CENPP: variants seen among roughly 807,000 people sequenced by gnomAD.
The protein encoded by CENPP is centromere protein P.
In CENPP, 24 loss-of-function variants were observed where a neutral mutation model predicts 35.6. That is an observed-to-expected ratio of 0.67 (90% CI 0.49 to 0.95). The LOEUF (loss-of-function observed/expected upper bound fraction) is 0.95. Ranked by LOEUF, CENPP falls within the 40% of genes least tolerant of loss-of-function variation. CENPP has a pLI of 0.00. For missense variants in CENPP, 332 were observed against 345.3 expected (o/e 0.96, Z 0.31); for synonymous variants, 120 against 125.5 (o/e 0.96, Z 0.29).
At chr9:92,454,708 A>G (rs568102647) in intron 5 of CENPP, among the ~76,000 whole-genome samples, 1 of 152,244 alleles carries the variant, frequency 6.6e-6, no homozygotes, top group South Asian at 2.1e-4. Context: ...TATTCTTCAT[A>G]GCAACCTTGT....
At chr9:92,599,144 T>C (rs933870949) in intron 5 of CENPP, among the ~76,000 whole-genome samples, 1 of 150,398 alleles carries the variant, frequency 6.6e-6, no homozygotes, top group Non-Finnish European at 1.5e-5. Flanking sequence ...GAAATATGGT[T>C]GAGAATAAAG....
intron 5 of CENPP, among the ~76,000 whole-genome samples, chr9:92,484,551 G>A (rs4744134): frequency 0.48 from 72,767 of 152,140 alleles, 20,956 homozygotes; most frequent in African/African-American, 0.81. Context: ...ACGTTCCTCA[G>A]TCTGTCATTT....
intron 5 of CENPP, among the ~76,000 whole-genome samples, chr9:92,546,973 G>A (rs1324157775): frequency 1.3e-5 from 2 of 152,110 alleles, no homozygotes; most frequent in East Asian, 1.9e-4. Context: ...AACTGACAGG[G>A]ACGTCAGAAG....
chr9:92,559,405 G>A (rs1849800025), intron 5 of CENPP, among the ~76,000 whole-genome samples: 1 of 152,200 alleles, frequency 6.6e-6, no homozygotes, highest in South Asian at 2.1e-4. Flanking sequence ...TCCAGTGGGG[G>A]TGTGTGTTTA....
At chr9:92,549,954 C>G (rs73651323) in intron 5 of CENPP, among the ~76,000 whole-genome samples, 1 of 152,174 alleles carries the variant, frequency 6.6e-6, no homozygotes, top group African/African-American at 2.4e-5. Flanking sequence ...ATAGTTCCAC[C>G]AAGCCACTAG....
chr9:92,552,005 T>TC (rs374275922), intron 5 of CENPP, among the ~76,000 whole-genome samples: 221 of 142,226 alleles, frequency 1.6e-3, no homozygotes, highest in Non-Finnish European at 2.3e-3. Flanking sequence ...TATATATGTG[T>TC]ATATATATGA....
At chr9:92,535,785 C>A (rs1188538966) in intron 5 of CENPP, 7 of 254,818 alleles carry the variant, frequency 2.7e-5, no homozygotes, top group East Asian at 1.3e-4. Context: ...GTGAAAAAAA[C>A]AAACAGAATA....
intron 1 of CENPP, among the ~76,000 whole-genome samples, chr9:92,328,285 G>T (rs1278569811): frequency 6.6e-6 from 1 of 152,146 alleles, no homozygotes; most frequent in Non-Finnish European, 1.5e-5. Context: ...TGGAGGAGGA[G>T]GATTGGAACC....
At position 92,385,727 on chromosome 9, in the gene CENPP, G is replaced by A. The variant is rs140783624; in HGVS notation, c.564+5868G>A. On this transcript the variant is annotated intron_variant, in intron 5 of 7. Coordinates refer to ENST00000375587, the MANE Select transcript of CENPP (RefSeq NM_001012267.3). ...AGGCGTATCTCTTCAATGCGGTCCCGGATGTAACTGGTGTCATTAGCCTTG... is the reference window on the plus strand; with the variant it reads ...AGGCGTATCTCTTCAATGCGGTCCCAGATGTAACTGGTGTCATTAGCCTTG... 1.3e-5 allele frequency: 21 copies of A among 1,613,934 alleles called. No individual in the cohort carries two copies. The highest frequency in any genetic ancestry group is 8.0e-5 in the African/African-American group (6 of 74,904).
intron 5 of CENPP, among the ~76,000 whole-genome samples, chr9:92,400,815 A>G (rs1458245011): frequency 1.3e-5 from 2 of 152,222 alleles, no homozygotes; most frequent in African/African-American, 4.8e-5. Context: ...GTGTTTAAGT[A>G]TTTCTCGAAT....
At chr9:92,441,359 G>A (rs1346691314) in intron 5 of CENPP, among the ~76,000 whole-genome samples, 2 of 152,146 alleles carry the variant, frequency 1.3e-5, no homozygotes, top group African/African-American at 4.8e-5. Flanking sequence ...GCAAAATCTA[G>A]ACTGTGGGAA....
intron 5 of CENPP, among the ~76,000 whole-genome samples, chr9:92,544,338 T>G (rs2131313685): frequency 6.6e-6 from 1 of 152,294 alleles, no homozygotes; most frequent in South Asian, 2.1e-4. Context: ...TAGCCGGGTG[T>G]GCTGGCACAT....
rs537704361 is a variant in CENPP at position 92,341,289 on chromosome 9, T to C, written c.378+3660T>C. Among the ~76,000 whole-genome samples the C allele has an allele frequency of 1.1e-3, 172 of 152,340 alleles. 1 individual carries two copies. The highest frequency in any genetic ancestry group is 3.9e-3 in the African/African-American group (164 of 41,582). On this transcript the variant is annotated intron_variant, in intron 3 of 7. Coordinates refer to ENST00000375587, the MANE Select transcript of CENPP (RefSeq NM_001012267.3). ...TCGCCTTGGTCCTGTGGTCCTGTGA[T>C]CTTGCCCTGCCTCCACTTGCCTTGT...
chr9:92,418,778 AT>A (rs1843696177), intron 5 of CENPP, among the ~76,000 whole-genome samples: 1 of 152,042 alleles, frequency 6.6e-6, no homozygotes, highest in South Asian at 2.1e-4. Flanking sequence ...TCCTTTTAAT[AT>A]TTTCTGTCCA....
chr9:92,602,791 C>T lies in CENPP; in HGVS notation c.565-8523C>T, dbSNP rs573628850. Among the ~76,000 whole-genome samples, 92 of 149,630 alleles carry T rather than the reference C, an allele frequency of 6.1e-4. 1 individual carries two copies. In the South Asian group the frequency reaches 0.02, roughly 32 times the overall value. On this transcript the variant is annotated intron_variant, in intron 5 of 7. Transcript: ENST00000375587. ...GAACAGGCGGCAGCTTCTCATTCTC[C>T]TCGTATACTGTTTCTGTAAATTCAA...
chr9:92,329,253 C>T (rs917085172), intron 1 of CENPP, among the ~76,000 whole-genome samples: 3 of 147,374 alleles, frequency 2.0e-5, no homozygotes, highest in African/African-American at 7.6e-5. Context: ...GGCGCAACCT[C>T]AGCTCACTGC....
chr9:92,392,362 G>A (rs567165489), intron 5 of CENPP, among the ~76,000 whole-genome samples: 4 of 152,288 alleles, frequency 2.6e-5, no homozygotes, highest in East Asian at 3.9e-4. Flanking sequence ...GGTGGCTCAC[G>A]CCTGTATTCC....
intron 5 of CENPP, among the ~76,000 whole-genome samples, chr9:92,533,303 C>CAAAAAAA (rs1174584000): frequency 1.7e-4 from 5 of 29,886 alleles, no homozygotes; most frequent in Admixed American, 5.8e-4. Flanking sequence ...CGGTCTCAAA[C>CAAAAAAA]AAAAAAAAAA....
chr9:92,398,926 G>C (rs1842997374), intron 5 of CENPP, among the ~76,000 whole-genome samples: 1 of 152,046 alleles, frequency 6.6e-6, no homozygotes, highest in South Asian at 2.1e-4. Context: ...GCCTGGCGTG[G>C]TGGCGCGTGC....
Sources: gnomAD v4.1 joint callset for allele counts (sites outside exome capture counted in the v4.1 genomes callset) on GRCh38, gnomAD v4.1.1 for gene constraint, MANE v1.5 for transcripts, NCBI Gene and HGNC (gene_info 2026-07-23, HGNC 2026-07-21) for gene names.